ESRRG: variants seen among roughly 807,000 people sequenced by gnomAD.
ESRRG encodes estrogen-related receptor gamma.
A neutral mutation model predicts 44.0 loss-of-function variants in ESRRG; 13 were observed. That is an observed-to-expected ratio of 0.30 (90% CI 0.19 to 0.47). ESRRG has a LOEUF of 0.47. ESRRG is among the 20% of genes least tolerant of loss of function. The pLI, the probability that ESRRG is intolerant of heterozygous loss-of-function variation, is 1.00. For synonymous variants in ESRRG, 215 were observed against 214.6 expected, an observed-to-expected ratio of 1.00 and a Z score of -0.02; for missense variants, 395 against 580.6, an observed-to-expected ratio of 0.68 and a Z score of 3.29.
intron 1 of ESRRG, among the ~76,000 whole-genome samples, chr1:216,700,638 T>C (rs2081222536): frequency 1.3e-5 from 2 of 152,170 alleles, no homozygotes. Flanking sequence ...AAGATGGTAT[T>C]CCTATGCATT....
intron 1 of ESRRG, among the ~76,000 whole-genome samples, chr1:217,022,806 G>A (rs1230465580): frequency 6.6e-6 from 1 of 152,120 alleles, no homozygotes; most frequent in South Asian, 2.1e-4. Flanking sequence ...CAAGCTGTAT[G>A]TGCTGGAAAG....
chr1:217,063,574 C>T (rs1039244107), intron 1 of ESRRG, among the ~76,000 whole-genome samples: 3 of 152,152 alleles, frequency 2.0e-5, no homozygotes, highest in South Asian at 2.1e-4. Flanking sequence ...AGTGAGTTAA[C>T]AGGCTCAAAG....
chr1:217,094,789 C>T (rs2092398716), intron 1 of ESRRG, among the ~76,000 whole-genome samples: 1 of 152,174 alleles, frequency 6.6e-6, no homozygotes, highest in African/African-American at 2.4e-5. Flanking sequence ...AAATAAACTG[C>T]CCTCTCCACA....
intron 2 of ESRRG, among the ~76,000 whole-genome samples, chr1:216,912,677 A>C (rs1264785211): frequency 6.6e-6 from 1 of 152,202 alleles, no homozygotes; most frequent in African/African-American, 2.4e-5. Flanking sequence ...TACTTTACAA[A>C]TCATGAGGTA....
intron 1 of ESRRG, among the ~76,000 whole-genome samples, chr1:216,710,942 G>A (rs940213976): frequency 1.3e-5 from 2 of 152,186 alleles, no homozygotes; most frequent in African/African-American, 4.8e-5. Context: ...AGAGGCATTC[G>A]CTCAATCAAG....
chr1:216,783,061 C>T (rs2093991678), intron 2 of ESRRG, among the ~76,000 whole-genome samples: 1 of 151,740 alleles, frequency 6.6e-6, no homozygotes, highest in Admixed American at 6.6e-5. Flanking sequence ...CCTTACATTC[C>T]CACTCAGAAG....
At chr1:216,759,527 T>C (rs2092655127) in intron 2 of ESRRG, among the ~76,000 whole-genome samples, 1 of 152,106 alleles carries the variant, frequency 6.6e-6, no homozygotes, top group Non-Finnish European at 1.5e-5. Context: ...AACCCTTTTG[T>C]TGTTTTTCAA....
At chr1:216,762,130 A>G (rs955412595) in intron 2 of ESRRG, among the ~76,000 whole-genome samples, 2 of 152,148 alleles carry the variant, frequency 1.3e-5, no homozygotes, top group African/African-American at 4.8e-5. Context: ...AAATTGCCCA[A>G]GGCTCTGGAG....
In ESRRG at chr1:216,677,426, G is replaced by A. The variant is rs753231523; in HGVS notation, c.122C>T (p.Thr41Met). 2.7e-5 allele frequency: 44 copies of A among 1,613,944 alleles called. No homozygotes were observed. The Admixed American group carries it at 5.2e-4, about 19-fold the overall frequency. ...CAGGGAGGCTGGGCTGGAAGGTTCC[G>A]TCTTGATGAAGGACGAACAGCTGGA... is the stretch of plus-strand genomic sequence containing the variant. ...IDSSCSSFIK[T>M]EPSSPASLTD... Residue 41 changes from threonine (T) to methionine (M), a missense_variant, in exon 2 of 7, where the codon ACG becomes ATG. Coordinates refer to ENST00000408911, the MANE Select transcript of ESRRG (RefSeq NM_001438.4).
At chr1:216,803,903 A>G (rs2094702397) in intron 2 of ESRRG, among the ~76,000 whole-genome samples, 1 of 152,128 alleles carries the variant, frequency 6.6e-6, no homozygotes, top group African/African-American at 2.4e-5. Context: ...TTTGTTGAGT[A>G]GATAATAGGG....
intron 3 of ESRRG, among the ~76,000 whole-genome samples, chr1:216,572,192 C>A (rs2060929184): frequency 1.3e-5 from 2 of 151,868 alleles, no homozygotes; most frequent in South Asian, 4.2e-4. Flanking sequence ...ATGTTTGAAC[C>A]AAAATCCTAG....
intron 1 of ESRRG, among the ~76,000 whole-genome samples, chr1:217,068,968 A>T (rs1580354849): frequency 1.3e-5 from 2 of 152,298 alleles, no homozygotes; most frequent in Non-Finnish European, 2.9e-5. Flanking sequence ...TAGTGGTCTA[A>T]CTTCAGAGAT....
At position 216,895,043 on chromosome 1, in the gene ESRRG, T is replaced by C. The variant is rs560645638; in HGVS notation, c.-14+44539A>G. ...TGTGGACAAACCATGCAAATTGGGC[T>C]GGGGGGCGGATAAACCCTTGCACCA... is the stretch of plus-strand genomic sequence containing the variant. On this transcript the variant is annotated intron_variant, in intron 2 of 7. Transcript: ENST00000359162. Among the ~76,000 whole-genome samples, 242 of 152,304 alleles carry C rather than the reference T, an allele frequency of 1.6e-3. 1 individual carries two copies. Among genetic ancestry groups the C allele is most frequent in the Non-Finnish European group, 3.0e-3 (202 of 68,022 alleles).
chr1:216,766,397 T>C (rs1440293603), intron 2 of ESRRG, among the ~76,000 whole-genome samples: 1 of 152,004 alleles, frequency 6.6e-6, no homozygotes, highest in Non-Finnish European at 1.5e-5. Context: ...CCCTGACTTT[T>C]CCTTGATTCT....
intron 1 of ESRRG, among the ~76,000 whole-genome samples, chr1:217,130,102 T>C (rs981964763): frequency 6.6e-6 from 1 of 152,256 alleles, no homozygotes; most frequent in Non-Finnish European, 1.5e-5. Flanking sequence ...AGTGGAATAC[T>C]ACATCTAGAA....
At chr1:216,776,896 A>G (rs11572626) in intron 2 of ESRRG, among the ~76,000 whole-genome samples, 433 of 152,248 alleles carry the variant, frequency 2.8e-3, no homozygotes, top group African/African-American at 9.9e-3. Flanking sequence ...ACACCTTCAC[A>G]ACCATTGGGT....
At chr1:216,578,233 G>T (rs1266313869) in intron 3 of ESRRG, among the ~76,000 whole-genome samples, 1 of 152,028 alleles carries the variant, frequency 6.6e-6, no homozygotes, top group Non-Finnish European at 1.5e-5. Flanking sequence ...CAATACAAGC[G>T]AGAGATGTCT....
intron 2 of ESRRG, among the ~76,000 whole-genome samples, chr1:216,830,433 C>A (rs182392739): frequency 6.6e-6 from 1 of 152,308 alleles, no homozygotes; most frequent in Admixed American, 6.5e-5. Context: ...CAACGCTTGA[C>A]TAACAAGTGG....
intron 1 of ESRRG, among the ~76,000 whole-genome samples, chr1:217,075,589 T>TCC (rs66514039): frequency 0.15 from 21,446 of 144,222 alleles, 1,695 homozygotes; most frequent in East Asian, 0.3. Context: ...ATTGCTCCTT[T>TCC]CCCCCCCCCA....
Sources: allele counts gnomAD v4.1 joint callset (sites outside exome capture counted in the v4.1 genomes callset), GRCh38; gene constraint gnomAD v4.1.1; transcripts MANE v1.5; gene names NCBI Gene and HGNC (gene_info 2026-07-23, HGNC 2026-07-21).